LDHC: variants seen among roughly 807,000 people sequenced by gnomAD.
LDHC encodes the protein L-lactate dehydrogenase C chain.
LDHC carries 20 observed loss-of-function variants against 30.2 expected under a neutral mutation model. The observed-to-expected ratio is 0.66, with a 90% CI of 0.47 to 0.96. The LOEUF (loss-of-function observed/expected upper bound fraction) is 0.96. Among genes scored for constraint, LDHC ranks in the 40% least tolerant of loss-of-function variants. The pLI is 0.00. For missense variants in LDHC, 362 were observed against 394.9 expected (o/e 0.92, Z 0.71); for synonymous variants, 139 against 132.7 (o/e 1.05, Z -0.32).
chr11:18,439,828 A>AAC (rs1554964768), intron 6 of LDHC, among the ~76,000 whole-genome samples: 7 of 144,830 alleles, frequency 4.8e-5, no homozygotes, highest in African/African-American at 1.5e-4. Flanking sequence ...AAAAAAAAAA[A>AAC]AAAAAAAACA....
chr11:18,429,354 G>A (rs1277698641), intron 3 of LDHC, among the ~76,000 whole-genome samples: 2 of 151,904 alleles, frequency 1.3e-5, no homozygotes, highest in South Asian at 2.1e-4. Flanking sequence ...CTCGTGATCC[G>A]CCTGCCTTGG....
intron 7 of LDHC, among the ~76,000 whole-genome samples, chr11:18,446,831 G>C (rs35593189): frequency 6.6e-6 from 1 of 152,114 alleles, no homozygotes; most frequent in Non-Finnish European, 1.5e-5. Context: ...AACCACTTGC[G>C]TAGACTGAGG....
intron 6 of LDHC, among the ~76,000 whole-genome samples, chr11:18,439,696 C>A (rs992262603): frequency 6.8e-6 from 1 of 147,926 alleles, no homozygotes; most frequent in Non-Finnish European, 1.5e-5. Context: ...TGTAAGAGGC[C>A]AGGCATGGTG....
At chr11:18,417,103 T>C (rs1169056610) in intron 3 of LDHC, among the ~76,000 whole-genome samples, 1 of 152,076 alleles carries the variant, frequency 6.6e-6, no homozygotes, top group Non-Finnish European at 1.5e-5. Flanking sequence ...AGGCTGGTCT[T>C]GAACTCCTGA....
At chr11:18,434,438 A>G (rs1000917119) in intron 4 of LDHC, among the ~76,000 whole-genome samples, 2 of 152,116 alleles carry the variant, frequency 1.3e-5, no homozygotes, top group Non-Finnish European at 1.5e-5. Flanking sequence ...TAGCCTCCCA[A>G]GTAGCTGGGA....
intron 3 of LDHC, among the ~76,000 whole-genome samples, chr11:18,416,004 A>G (rs911378174): frequency 2.6e-5 from 4 of 152,174 alleles, no homozygotes; most frequent in Non-Finnish European, 4.4e-5. Flanking sequence ...CGGGCCATAT[A>G]ATTTAAAAAG....
chr11:18,429,346 C>T (rs111964255), intron 3 of LDHC, among the ~76,000 whole-genome samples: 20,637 of 151,938 alleles, frequency 0.14, 1,493 homozygotes, highest in Middle Eastern at 0.2. Context: ...CTCTTGACCT[C>T]GTGATCCGCC....
chr11:18,439,811 TAAA>T (rs71047596), intron 6 of LDHC, among the ~76,000 whole-genome samples: 1 of 64,192 alleles, frequency 1.6e-5, no homozygotes, highest in Non-Finnish European at 2.7e-5. Flanking sequence ...CCGTCTCTAC[TAAA>T]AAAAAAAAAA....
At chr11:18,448,048 C>CAA (rs1218910663) in intron 7 of LDHC, among the ~76,000 whole-genome samples, 39 of 76,252 alleles carry the variant, frequency 5.1e-4, no homozygotes, top group East Asian at 1.1e-3. Flanking sequence ...GACTCTGTCT[C>CAA]AAAAAAAAAA....
At chr11:18,432,761 G>A (rs754389682) in intron 4 of LDHC, among the ~76,000 whole-genome samples, 4 of 151,946 alleles carry the variant, frequency 2.6e-5, no homozygotes, top group African/African-American at 4.8e-5. Flanking sequence ...AGTTTGTTTC[G>A]TCTGATATGA....
At chr11:18,420,656 A>G (rs894954006) in intron 3 of LDHC, among the ~76,000 whole-genome samples, 7 of 151,430 alleles carry the variant, frequency 4.6e-5, no homozygotes, top group Non-Finnish European at 7.4e-5. Context: ...AAAAAAAAAA[A>G]AAAAAAAAAG....
chr11:18,413,459 C>CTTTT (rs34176196), intron 2 of LDHC, among the ~76,000 whole-genome samples: 20 of 77,130 alleles, frequency 2.6e-4, no homozygotes, highest in East Asian at 1.1e-3. Context: ...ATTGTTCTCT[C>CTTTT]TTTTTTTTTT....
intron 5 of LDHC, among the ~76,000 whole-genome samples, 178 bp from the exon 6 acceptor site, chr11:18,438,350 C>T (rs1041333024): frequency 3.9e-5 from 6 of 152,120 alleles, no homozygotes; most frequent in African/African-American, 1.4e-4. Context: ...GGGATCTGCA[C>T]CCATGATCAG....
chr11:18,435,030 A>G, intron 5 of LDHC, 117 bp downstream of exon 5: 2 of 607,392 alleles, frequency 3.3e-6, no homozygotes, highest in Non-Finnish European at 5.4e-6. Context: ...TTTTTTTGGT[A>G]TTTCCCTGGT....
chr11:18,445,036 A>C (rs906481900), intron 6 of LDHC, among the ~76,000 whole-genome samples: 3 of 152,152 alleles, frequency 2.0e-5, no homozygotes, highest in African/African-American at 7.2e-5. Flanking sequence ...CAGAGATAAG[A>C]AAATGCATAA....
chr11:18,448,734 G>A lies in LDHC; in HGVS notation c.835-2229G>A, dbSNP rs972736419. 6.4e-5 allele frequency among the ~76,000 whole-genome samples: 9 copies of A among 141,658 alleles called. No individual in the cohort carries two copies. The Admixed American group carries it at 6.7e-4, about 11-fold the overall frequency. The allele number at this position is 141,658 out of a possible 152,430, so 92.9% of individuals were successfully genotyped here. Reference sequence around the variant, plus strand: ...TGTGCAGAGTTTATTTCACATTAATGTATTAATTGGATTTTTTTTTTGTGT... The same window carrying A: ...TGTGCAGAGTTTATTTCACATTAATATATTAATTGGATTTTTTTTTTGTGT... On this transcript the variant is annotated intron_variant, in intron 7 of 7. Coordinates refer to ENST00000541669, the MANE Select transcript of LDHC (RefSeq NM_017448.5).
chr11:18,429,737 A>G lies in LDHC; in HGVS notation c.245A>G (p.Asp82Gly). The G allele has an allele frequency of 2.5e-6, 4 of 1,587,446 alleles. No individual in the cohort carries two copies. The Middle Eastern group carries it at 6.7e-4, about 266-fold the overall frequency. ...FSTSKITSGKDYSVSANSRIV... is the reference protein window; with the variant it reads ...FSTSKITSGKGYSVSANSRIV... ...ATATAGTATTTTGTTTCCTTTTTAG[A>G]TTACAGTGTATCTGCAAACTCCAGA... The change falls in exon 4 of 8, where the codon GAT (aspartate) becomes GGT (glycine). Residue 82 changes from aspartate to glycine, a missense_variant and splice_region_variant. Transcript: ENST00000541669.
intron 4 of LDHC, among the ~76,000 whole-genome samples, chr11:18,434,140 A>G (rs1848316161): frequency 6.6e-6 from 1 of 151,932 alleles, no homozygotes; most frequent in Non-Finnish European, 1.5e-5. Context: ...AGTGTGTCCA[A>G]AATTTCCTGA....
chr11:18,426,426 C>A (rs1180089137), intron 3 of LDHC, among the ~76,000 whole-genome samples: 4 of 149,568 alleles, frequency 2.7e-5, no homozygotes, highest in African/African-American at 9.9e-5. Flanking sequence ...ACTTGGGAGG[C>A]TGAAGCAGGA....
Sources: allele counts gnomAD v4.1 joint callset (sites outside exome capture counted in the v4.1 genomes callset), GRCh38; gene constraint gnomAD v4.1.1; transcripts MANE v1.5; gene names NCBI Gene and HGNC (gene_info 2026-07-23, HGNC 2026-07-21).